The following MCC variants were observed in gnomAD, a reference collection of about 807,000 sequenced individuals.
MCC encodes colorectal mutant cancer protein.
A neutral mutation model predicts 116.2 loss-of-function variants in MCC; 90 were observed. The observed-to-expected ratio is 0.77, with a 90% confidence interval of 0.65 to 0.92. MCC has a LOEUF of 0.92. Ranked by LOEUF, MCC falls within the 40% of genes least tolerant of loss-of-function variation. The pLI is 0.00. For missense variants in MCC, 1,516 were observed against 1,312.2 expected, an observed-to-expected ratio of 1.16 and a Z score of -2.40; for synonymous variants, 578 against 510.5, an observed-to-expected ratio of 1.13 and a Z score of -1.78.
Position 113,364,187 on chromosome 5 carries a change from C to T in MCC, c.415+20781G>A, listed in dbSNP as rs747251997. Among the ~76,000 whole-genome samples, 19 of 131,940 alleles carry T rather than the reference C, an allele frequency of 1.4e-4. No individual in the cohort carries two copies. The South Asian group carries it at 1.8e-3, about 12-fold the overall frequency. 86.6% of individuals were successfully genotyped at this position (131,940 alleles called of 152,430 possible). A position where few individuals can be genotyped will look rare whatever the true frequency, so the allele number is the denominator to read the frequency against. On this transcript the variant is annotated intron_variant, in intron 2 of 18. Transcript: ENST00000408903. ...CAGAGATTGCAGTGAGCTGAGATTG[C>T]GTCACTGCACTCCAGCCTGGGTGAC...
intron 2 of MCC, among the ~76,000 whole-genome samples, chr5:113,378,066 T>C (rs1769028030): frequency 1.3e-5 from 2 of 152,236 alleles, no homozygotes; most frequent in African/African-American, 4.8e-5. Context: ...ATGTCAGGGC[T>C]GAATAGATTT....
intron 1 of MCC, among the ~76,000 whole-genome samples, chr5:113,459,308 C>T (rs1169221182): frequency 1.1e-4 from 16 of 151,880 alleles, no homozygotes; most frequent in Non-Finnish European, 1.8e-4. Context: ...GAGGCCGAGG[C>T]GGGTGGATCA....
chr5:113,042,304 T>TAAA (rs1751762892), intron 17 of MCC, among the ~76,000 whole-genome samples: 3 of 78,548 alleles, frequency 3.8e-5, no homozygotes, highest in African/African-American at 5.1e-5. Flanking sequence ...AGACCCTGTC[T>TAAA]CAAAAAAAAA....
chr5:113,059,484 A>C (rs2150226785), intron 14 of MCC, among the ~76,000 whole-genome samples: 1 of 152,320 alleles, frequency 6.6e-6, no homozygotes, highest in South Asian at 2.1e-4. Flanking sequence ...GTCATCCATT[A>C]ATTCTCCCAG....
intron 14 of MCC, among the ~76,000 whole-genome samples, chr5:113,059,865 G>A (rs570921665): frequency 8.1e-4 from 124 of 152,278 alleles, no homozygotes; most frequent in African/African-American, 2.8e-3. Context: ...CACCTACCCT[G>A]TCCACTATAG....
intron 16 of MCC, among the ~76,000 whole-genome samples, chr5:113,046,455 G>A (rs1031294377): frequency 2.0e-5 from 3 of 151,932 alleles, no homozygotes; most frequent in African/African-American, 7.3e-5. Flanking sequence ...GGTTCCCAAA[G>A]TACTGGGATT....
At chr5:113,335,419 A>G (rs1437459807) in intron 3 of MCC, among the ~76,000 whole-genome samples, 1 of 151,804 alleles carries the variant, frequency 6.6e-6, no homozygotes, top group Non-Finnish European at 1.5e-5. Context: ...AAAACCAAGT[A>G]GTATAGCTCA....
intron 1 of MCC, among the ~76,000 whole-genome samples, chr5:113,425,447 T>C (rs1221427595): frequency 1.3e-5 from 2 of 152,166 alleles, no homozygotes; most frequent in South Asian, 2.1e-4. Context: ...CTTGGGTGCA[T>C]ATAACCAATT....
At chr5:113,446,582 A>G (rs1190659715) in intron 1 of MCC, among the ~76,000 whole-genome samples, 3 of 152,222 alleles carry the variant, frequency 2.0e-5, no homozygotes, top group Non-Finnish European at 4.4e-5. Flanking sequence ...TATTATCAAA[A>G]AGTCAAAAAA....
intron 1 of MCC, among the ~76,000 whole-genome samples, chr5:113,457,492 C>T (rs1328917228): frequency 6.6e-6 from 1 of 152,224 alleles, no homozygotes; most frequent in Non-Finnish European, 1.5e-5. Flanking sequence ...CTCCACGGCA[C>T]CCAGTCCCAT....
chr5:113,072,227 G>T (rs1227478215), intron 11 of MCC, among the ~76,000 whole-genome samples: 2 of 152,162 alleles, frequency 1.3e-5, no homozygotes, highest in African/African-American at 4.8e-5. Flanking sequence ...TAGCTTCAAG[G>T]AAAAATCTTA....
intron 5 of MCC, among the ~76,000 whole-genome samples, chr5:113,133,128 T>G (rs1205222342): frequency 6.6e-6 from 1 of 152,188 alleles, no homozygotes; most frequent in Non-Finnish European, 1.5e-5. Context: ...ACCTTCAACA[T>G]GTATCTTTTC....
intron 3 of MCC, among the ~76,000 whole-genome samples, chr5:113,319,810 T>C (rs1313646369): frequency 1.3e-5 from 2 of 152,214 alleles, no homozygotes; most frequent in Non-Finnish European, 2.9e-5. Flanking sequence ...GATATCATTG[T>C]ACAAGCCACA....
chr5:113,058,729 G>A (rs993803367), intron 14 of MCC, among the ~76,000 whole-genome samples: 1 of 152,192 alleles, frequency 6.6e-6, no homozygotes, highest in Admixed American at 6.5e-5. Flanking sequence ...TTTCTGGGCT[G>A]CAGGAAATAG....
chr5:113,227,202 C>T lies in MCC; in HGVS notation c.628-75780G>A, dbSNP rs547129838. ...ATTGCCCATAATATTTCTCTAGACACATTTGAGACTCTTGAAGTTATCTCT... is the reference window on the plus strand; with the variant it reads ...ATTGCCCATAATATTTCTCTAGACATATTTGAGACTCTTGAAGTTATCTCT... On this transcript the variant is annotated intron_variant, in intron 3 of 18. Transcript: ENST00000408903. Among the ~76,000 whole-genome samples the T allele has an allele frequency of 4.7e-4, 71 of 152,308 alleles. No individual in the cohort carries two copies. The Middle Eastern group carries it at 0.014, about 29-fold the overall frequency.
In MCC at chr5:113,085,280, C is replaced by G. The variant is rs140863211; in HGVS notation, c.1429G>C (p.Val477Leu). 2 of 1,613,892 alleles carry G rather than the reference C, an allele frequency of 1.2e-6. No homozygotes were observed. The highest frequency in any genetic ancestry group is 1.3e-5 in the African/African-American group (1 of 75,012). ...GGGCTGGAGGGACCTGTGGCCTGCA[C>G]GCTCTGTAGTCGAGTTTGAAGCTCT... ...VRELQTRLQS[V>L]QATGPSSPGR... Residue 477 changes from valine (V) to leucine (L), a missense_variant, in exon 9 of 19, where the codon GTG becomes CTG. Val to Leu is a conservative substitution (Grantham distance 32, BLOSUM62 1). Transcript: ENST00000408903.
chr5:113,334,257 G>A (rs993458087), intron 3 of MCC, among the ~76,000 whole-genome samples: 1 of 150,492 alleles, frequency 6.6e-6, no homozygotes, highest in South Asian at 2.1e-4. Flanking sequence ...GCCCAGGCTG[G>A]AATGCAGTGG....
At chr5:113,074,688 C>T (rs1754292157) in intron 11 of MCC, among the ~76,000 whole-genome samples, 1 of 152,182 alleles carries the variant, frequency 6.6e-6, no homozygotes, top group Non-Finnish European at 1.5e-5. Context: ...TAGACAAGTC[C>T]TTAAATGACC....
chr5:113,110,807 AT>A (rs969938945), intron 6 of MCC, among the ~76,000 whole-genome samples: 3 of 152,064 alleles, frequency 2.0e-5, no homozygotes, highest in Admixed American at 6.5e-5. Flanking sequence ...CCTTTTTTTT[AT>A]TTTTAAAACA....
Sources: allele counts gnomAD v4.1 joint callset (sites outside exome capture counted in the v4.1 genomes callset), GRCh38; gene constraint gnomAD v4.1.1; transcripts MANE v1.5; gene names NCBI Gene and HGNC (gene_info 2026-07-23, HGNC 2026-07-21).